The following ARHGAP26 variants were observed in gnomAD, a reference collection of about 807,000 sequenced individuals.
The protein encoded by ARHGAP26 is Rho GTPase activating protein 26.
ARHGAP26 carries 38 observed loss-of-function variants against 104.8 expected under a neutral mutation model. That is an observed-to-expected ratio of 0.36 (90% CI 0.28 to 0.48). The LOEUF (loss-of-function observed/expected upper bound fraction) is 0.48, where lower values mean the gene tolerates loss of function less well. Among genes scored for constraint, ARHGAP26 ranks in the 20% least tolerant of loss-of-function variants. The pLI is 0.99. For missense variants in ARHGAP26, 704 were observed against 947.9 expected, an observed-to-expected ratio of 0.74 and a Z score of 3.38; for synonymous variants, 341 against 340.0, an observed-to-expected ratio of 1.00 and a Z score of -0.03.
chr5:143,119,798 T>A (rs1425554179), intron 17 of ARHGAP26, among the ~76,000 whole-genome samples: 1 of 151,888 alleles, frequency 6.6e-6, no homozygotes, highest in African/African-American at 2.4e-5. Flanking sequence ...TATAGAAAAG[T>A]ACACATCTGC....
At chr5:143,142,333 T>G (rs185145235) in intron 19 of ARHGAP26, among the ~76,000 whole-genome samples, 1 of 151,754 alleles carries the variant, frequency 6.6e-6, no homozygotes, top group Non-Finnish European at 1.5e-5. Context: ...GAGATGGGGT[T>G]TCACCATACT....
At chr5:143,142,287 C>T (rs1045227063) in intron 19 of ARHGAP26, among the ~76,000 whole-genome samples, 2 of 151,816 alleles carry the variant, frequency 1.3e-5, no homozygotes, top group East Asian at 1.9e-4. Context: ...TGCATGCGCC[C>T]GCCACCACGC....
At chr5:142,828,581 A>G (rs571324474) in intron 1 of ARHGAP26, among the ~76,000 whole-genome samples, 1 of 152,290 alleles carries the variant, frequency 6.6e-6, no homozygotes, top group South Asian at 2.1e-4. Context: ...CATTTTCCTG[A>G]CAATTAGTTG....
At chr5:142,810,751 G>A (rs1375692023) in intron 1 of ARHGAP26, among the ~76,000 whole-genome samples, 1 of 152,182 alleles carries the variant, frequency 6.6e-6, no homozygotes, top group African/African-American at 2.4e-5. Flanking sequence ...TTCTTTAAGT[G>A]GGAGTGCTTG....
intron 17 of ARHGAP26, among the ~76,000 whole-genome samples, chr5:143,108,192 A>G (rs372609282): frequency 3.3e-5 from 5 of 152,312 alleles, no homozygotes; most frequent in African/African-American, 1.2e-4. Flanking sequence ...GGTGTAATCA[A>G]TTCAGATTGT....
intron 17 of ARHGAP26, among the ~76,000 whole-genome samples, chr5:143,071,816 A>G (rs745383601): frequency 6.6e-6 from 1 of 152,126 alleles, no homozygotes. Flanking sequence ...GAGGCAGGGG[A>G]ATTGCTTGAA....
At chr5:142,809,265 A>G (rs1763614753) in intron 1 of ARHGAP26, among the ~76,000 whole-genome samples, 1 of 152,226 alleles carries the variant, frequency 6.6e-6, no homozygotes. Context: ...ATGATTAGAA[A>G]ATACAGATAA....
At chr5:143,199,126 A>G (rs562694272) in intron 20 of ARHGAP26, among the ~76,000 whole-genome samples, 3 of 152,236 alleles carry the variant, frequency 2.0e-5, no homozygotes, top group Non-Finnish European at 4.4e-5. Flanking sequence ...ATAAAAATGC[A>G]TGTTAAATTA....
chr5:142,898,612 G>A lies in ARHGAP26; in HGVS notation c.598-3323G>A, dbSNP rs867853703. On this transcript the variant is annotated intron_variant, in intron 6 of 22. Coordinates refer to ENST00000645722, the MANE Select transcript of ARHGAP26 (RefSeq NM_001135608.3). ...CCAGAATGCACCTTCTAACACGTCA[G>A]TCTGATTCTCTCTCTCTCTCTTTTG... Among the ~76,000 whole-genome samples, 133 of 152,036 alleles carry A rather than the reference G, an allele frequency of 8.7e-4. 1 individual carries two copies. The highest frequency in any genetic ancestry group is 3.0e-3 in the African/African-American group (123 of 41,558).
chr5:142,841,953 T>C (rs867592388), intron 1 of ARHGAP26, among the ~76,000 whole-genome samples: 2 of 152,210 alleles, frequency 1.3e-5, no homozygotes, highest in Non-Finnish European at 1.5e-5. Context: ...TCATAGACTT[T>C]TGCTTGTTTG....
chr5:143,076,190 G>T (rs1788992197), intron 17 of ARHGAP26, among the ~76,000 whole-genome samples: 2 of 113,426 alleles, frequency 1.8e-5, no homozygotes, highest in South Asian at 2.6e-4. Context: ...TGAAAAGCCA[G>T]TCTCATTATG....
chr5:142,783,825 A>ATT (rs1319155400), intron 1 of ARHGAP26, among the ~76,000 whole-genome samples: 3 of 152,314 alleles, frequency 2.0e-5, no homozygotes, highest in African/African-American at 7.2e-5. Context: ...CTTCTTAAGA[A>ATT]AATCTGTGGG....
Position 143,121,150 on chromosome 5 carries a change from A to G in ARHGAP26, c.1698+3A>G, listed in dbSNP as rs1216634118. The G allele has an allele frequency of 5.6e-6, 9 of 1,611,814 alleles. No homozygotes were observed. The highest frequency in any genetic ancestry group is 1.7e-5 in the Admixed American group (1 of 59,878). The stretch of plus-strand genomic sequence containing the variant: ...TCCTAATAGAAAACCACGAAAAGGT[A>G]ATATGTAATTGATCACTTGCAGTGA... On this transcript the variant is annotated splice_donor_region_variant and intron_variant, in intron 18 of 22. Transcript: ENST00000645722.
intron 17 of ARHGAP26, among the ~76,000 whole-genome samples, chr5:143,106,156 A>G (rs950657801): frequency 2.6e-5 from 4 of 152,194 alleles, no homozygotes; most frequent in Non-Finnish European, 5.9e-5. Context: ...ATGCTGGTAC[A>G]TAGCAACAGG....
At chr5:142,996,347 G>C (rs1323338195) in intron 11 of ARHGAP26, among the ~76,000 whole-genome samples, 1 of 151,856 alleles carries the variant, frequency 6.6e-6, no homozygotes, top group African/African-American at 2.4e-5. Flanking sequence ...ACAAAAATTA[G>C]CTGGGTTTGG....
At chr5:143,182,970 G>T (rs1421477281) in intron 20 of ARHGAP26, among the ~76,000 whole-genome samples, 1 of 150,384 alleles carries the variant, frequency 6.6e-6, no homozygotes, top group African/African-American at 2.4e-5. Context: ...AGGCCCCGTG[G>T]TTGTCTGGCT....
intron 11 of ARHGAP26, among the ~76,000 whole-genome samples, chr5:142,943,694 T>A (rs1165306029): frequency 6.6e-6 from 1 of 152,206 alleles, no homozygotes; most frequent in Non-Finnish European, 1.5e-5. Context: ...TATTCTAACT[T>A]CTTTATTAAT....
chr5:143,026,763 A>G lies in ARHGAP26; in HGVS notation c.1145-10433A>G, dbSNP rs115279892. Among the ~76,000 whole-genome samples, 1,045 of 119,354 alleles carry G rather than the reference A, an allele frequency of 8.8e-3. 14 individuals carry two copies. Among genetic ancestry groups the G allele is most frequent in the African/African-American group, 0.031 (995 of 31,638 alleles). The allele number at this position is 119,354 out of a possible 152,430, so 78.3% of individuals were successfully genotyped here. On this transcript the variant is annotated intron_variant, in intron 12 of 22. Transcript: ENST00000645722. Reference sequence around the variant, plus strand: ...AGCTGATGTATGTTTTTAAAAGATGACTCTGGCTGCTGGTGGGGAATAAAC... The same window carrying G: ...AGCTGATGTATGTTTTTAAAAGATGGCTCTGGCTGCTGGTGGGGAATAAAC...
intron 1 of ARHGAP26, among the ~76,000 whole-genome samples, chr5:142,838,793 G>T (rs763357245): frequency 6.6e-6 from 1 of 152,164 alleles, no homozygotes; most frequent in Non-Finnish European, 1.5e-5. Flanking sequence ...GAATTATCTA[G>T]TCTGAAATTT....
Sources: allele counts gnomAD v4.1 joint callset (sites outside exome capture counted in the v4.1 genomes callset), GRCh38; gene constraint gnomAD v4.1.1; transcripts MANE v1.5; gene names NCBI Gene and HGNC (gene_info 2026-07-23, HGNC 2026-07-21).